The following PRKAA2 variants were observed in gnomAD, a reference collection of about 807,000 sequenced individuals.
PRKAA2 encodes the protein protein kinase AMP-activated catalytic subunit alpha 2.
In PRKAA2, 40 loss-of-function variants were observed where a neutral mutation model predicts 56.3. That is an observed-to-expected ratio of 0.71 (90% CI 0.55 to 0.92). The LOEUF (loss-of-function observed/expected upper bound fraction) is 0.92. Ranked by LOEUF, PRKAA2 falls within the 40% of genes least tolerant of loss-of-function variation. The probability of loss-of-function intolerance (pLI) is 0.00; values close to 1 mark genes in which losing one functional copy is unlikely to be tolerated. For synonymous variants in PRKAA2, 214 were observed against 234.2 expected (o/e 0.91, Z 0.79); for missense variants, 542 against 686.9 (o/e 0.79, Z 2.36).
At chr1:56,678,916 G>A (rs1415407786) in intron 2 of PRKAA2, among the ~76,000 whole-genome samples, 2 of 152,080 alleles carry the variant, frequency 1.3e-5, no homozygotes. Flanking sequence ...GGATGGCCTT[G>A]ATCTCTTGAC....
chr1:56,657,145 G>A (rs1349790982), intron 1 of PRKAA2, among the ~76,000 whole-genome samples: 1 of 152,176 alleles, frequency 6.6e-6, no homozygotes, highest in Non-Finnish European at 1.5e-5. Context: ...TTATGCTGGT[G>A]TAGACTGTAT....
intron 2 of PRKAA2, among the ~76,000 whole-genome samples, chr1:56,684,961 T>A (rs573336401): frequency 3.3e-5 from 5 of 152,250 alleles, no homozygotes; most frequent in African/African-American, 1.2e-4. Context: ...AAAGAGGGGC[T>A]AATTATAGAA....
rs1323669301 is a variant in PRKAA2 at position 56,695,958 on chromosome 1, A to G, written c.587A>G (p.Asp196Gly). The G allele has an allele frequency of 1.2e-6, 2 of 1,612,334 alleles. No individual in the cohort carries two copies. The highest frequency in any genetic ancestry group is 1.7e-6 in the Non-Finnish European group (2 of 1,179,752). Residue 196 changes from aspartate to glycine, a missense_variant, in exon 6 of 9, where the codon GAT (aspartate) becomes GGT (glycine). Asp to Gly is a moderately conservative substitution (Grantham distance 94, BLOSUM62 -1). Transcript: ENST00000371244. ...SGRLYAGPEV[D>G]IWSCGVILYA... The stretch of plus-strand genomic sequence containing the variant: ...AGATTGTATGCAGGTCCTGAAGTTG[A>G]TATCTGGAGCTGTGGTGTTATCTTG...
intron 2 of PRKAA2, among the ~76,000 whole-genome samples, chr1:56,681,438 A>G (rs1310197505): frequency 1.3e-5 from 2 of 152,186 alleles, no homozygotes; most frequent in African/African-American, 2.4e-5. Context: ...GCCCATGCCT[A>G]TGTCCTGAAT....
chr1:56,695,208 T>G (rs1437885471), intron 5 of PRKAA2, among the ~76,000 whole-genome samples: 3 of 144,212 alleles, frequency 2.1e-5, no homozygotes, highest in African/African-American at 8.3e-5. Context: ...ATATATTTTT[T>G]GTTTTGAGAT....
chr1:56,655,280 A>ATATATATATATTTTTT lies in PRKAA2; in HGVS notation c.94+9800_94+9801insATATATATATTTTTTT. On this transcript the variant is annotated intron_variant, in intron 1 of 8. Coordinates refer to ENST00000371244, the MANE Select transcript of PRKAA2 (RefSeq NM_006252.4). Reference sequence around the variant, plus strand: ...TGTATTTATATATCTATATATATATATTTTTTTTTTTTTTTTGTAGAGACA... The same window carrying ATATATATATATTTTTT: ...TGTATTTATATATCTATATATATATATATATATATATTTTTTTTTTTTTTTTTTTTTTGTAGAGACA... 5.6e-4 allele frequency among the ~76,000 whole-genome samples: 52 copies of ATATATATATATTTTTT among 93,642 alleles called. 1 individual carries two copies. The highest frequency in any genetic ancestry group is 2.1e-3 in the South Asian group (4 of 1,894). The allele number at this position is 93,642 out of a possible 152,430, so 61.4% of individuals were successfully genotyped here. A position where few individuals can be genotyped will look rare whatever the true frequency, so the allele number is the denominator to read the frequency against.
At position 56,674,466 on chromosome 1, in the gene PRKAA2, A is replaced by G; in HGVS notation, c.180A>G (p.Lys60=). ...QKIRSLDVVG[K]IKREIQNLKL... is the part of the protein sequence containing the mutation. ...TTCGCAGTTTAGATGTTGTTGGAAA[A>G]ATAAAACGAGAAATTCAAAATCTAA... Residue 60 remains lysine, a synonymous_variant, in exon 2 of 9, where the codon AAA becomes AAG. Coordinates refer to ENST00000371244, the MANE Select transcript of PRKAA2 (RefSeq NM_006252.4). 1 of 1,577,076 alleles carries G rather than the reference A, an allele frequency of 6.3e-7. No homozygotes were observed. Among genetic ancestry groups the G allele is most frequent in the East Asian group, 2.3e-5 (1 of 42,944 alleles).
intron 2 of PRKAA2, among the ~76,000 whole-genome samples, chr1:56,688,509 C>T (rs1386164184): frequency 6.6e-6 from 1 of 152,120 alleles, no homozygotes; most frequent in Non-Finnish European, 1.5e-5. Flanking sequence ...CTCACCTGGA[C>T]TTAGGAAGTG....
At chr1:56,646,604 C>T (rs978303825) in intron 1 of PRKAA2, among the ~76,000 whole-genome samples, 7 of 152,174 alleles carry the variant, frequency 4.6e-5, no homozygotes, top group African/African-American at 1.7e-4. Context: ...ATTAAAAATA[C>T]TTTGTTGCAA....
rs1644257117 is a variant in PRKAA2, at chr1:56,696,065, T to C, written c.694T>C (p.Tyr232His). The C allele has an allele frequency of 3.1e-6, 5 of 1,613,238 alleles. No homozygotes were observed. The East Asian group carries it at 1.1e-4, about 36-fold the overall frequency. Residue 232 changes from tyrosine to histidine, a missense_variant, in exon 6 of 9, where the codon TAT becomes CAT. Transcript: ENST00000371244. The stretch of plus-strand genomic sequence containing the variant: ...TAAGAAGATCCGAGGGGGTGTCTTT[T>C]ATATCCCAGAATATCTCAATCGTTC... ...LFKKIRGGVF[Y>H]IPEYLNRSVA... is the part of the protein sequence containing the mutation.
chr1:56,675,481 C>G (rs963528), intron 2 of PRKAA2, among the ~76,000 whole-genome samples: 1 of 151,870 alleles, frequency 6.6e-6, no homozygotes, highest in Non-Finnish European at 1.5e-5. Context: ...GTAATAGCAG[C>G]TTATCCAAGG....
Position 56,714,195 on chromosome 1 carries a change from A to G in PRKAA2, c.*6482A>G, listed in dbSNP as rs879741693. 1.3e-5 allele frequency: 2 copies of G among 152,208 alleles called. No individual in the cohort carries two copies. The highest frequency in any genetic ancestry group is 2.9e-5 in the Non-Finnish European group (2 of 68,026). 9.4% of individuals were successfully genotyped at this position (152,208 alleles called of 1,614,324 possible). ...CAGTTTTTATATTTTAACCCTTTAA[A>G]AAGTTTGTCAAGGAAACAACTCAGA... is the stretch of plus-strand genomic sequence containing the variant. On this transcript the variant is annotated 3_prime_UTR_variant, in exon 9 of 9. Coordinates refer to ENST00000371244, the MANE Select transcript of PRKAA2 (RefSeq NM_006252.4).
Position 56,709,496 on chromosome 1 carries a change from A to G in PRKAA2, c.*1783A>G, listed in dbSNP as rs1644355547. 6.6e-6 allele frequency: 1 copy of G among 152,068 alleles called. No homozygotes were observed. The allele number at this position is 152,068 out of a possible 1,614,324, so 9.4% of individuals were successfully genotyped here. On this transcript the variant is annotated 3_prime_UTR_variant, in exon 9 of 9. Transcript: ENST00000371244. ...TGCCATCTTGTGGCACCAAAAGGTA[A>G]TTTTTACATGATTATTTGTATAGTG... is the stretch of plus-strand genomic sequence containing the variant.
At chr1:56,672,041 A>G (rs570792026) in intron 1 of PRKAA2, among the ~76,000 whole-genome samples, 6 of 152,348 alleles carry the variant, frequency 3.9e-5, no homozygotes, top group East Asian at 1.9e-4. Flanking sequence ...CATATATGCT[A>G]TGTGCTACCA....
chr1:56,668,246 A>G (rs1393605418), intron 1 of PRKAA2, among the ~76,000 whole-genome samples: 2 of 135,600 alleles, frequency 1.5e-5, no homozygotes, highest in Non-Finnish European at 3.1e-5. Context: ...GGGGAACATC[A>G]CACTCTGGGG....
chr1:56,665,615 T>G (rs1187547414), intron 1 of PRKAA2, among the ~76,000 whole-genome samples: 1 of 152,184 alleles, frequency 6.6e-6, no homozygotes, highest in Admixed American at 6.5e-5. Context: ...CATCAATTTA[T>G]TGTTTTCCCA....
At chr1:56,693,672 A>C in intron 4 of PRKAA2, 93 bp from the exon 5 acceptor site, 4 of 722,856 alleles carry the variant, frequency 5.5e-6, no homozygotes, top group Non-Finnish European at 6.6e-6. Flanking sequence ...TGATATATGG[A>C]GGATCCAGGA....
At chr1:56,692,783 G>GTTT (rs1009193917) in intron 4 of PRKAA2, among the ~76,000 whole-genome samples, 1 of 141,966 alleles carries the variant, frequency 7.0e-6, no homozygotes, top group African/African-American at 2.8e-5. Context: ...ATGCATAACT[G>GTTT]TTTTTTTGTT....
intron 2 of PRKAA2, among the ~76,000 whole-genome samples, chr1:56,681,381 T>C (rs1414125299): frequency 6.6e-6 from 1 of 152,198 alleles, no homozygotes; most frequent in Non-Finnish European, 1.5e-5. Context: ...TTTGTCAATT[T>C]TGGCTTTTGT....
Sources: allele counts gnomAD v4.1 joint callset (sites outside exome capture counted in the v4.1 genomes callset), GRCh38; gene constraint gnomAD v4.1.1; transcripts MANE v1.5; gene names NCBI Gene and HGNC (gene_info 2026-07-23, HGNC 2026-07-21).